Variants in NSMCE2 observed in about 807,000 individuals in gnomAD.
The protein encoded by NSMCE2 is NSE2 SUMO ligase component of SMC5/6 complex, also known as E3 SUMO-protein ligase NSE2.
NSMCE2 carries 24 observed loss-of-function variants against 23.8 expected under a neutral mutation model. That is an observed-to-expected ratio of 1.01 (90% CI 0.73 to 1.42). The LOEUF (loss-of-function observed/expected upper bound fraction) is 1.42. Among genes scored for constraint, NSMCE2 ranks in the 40% most tolerant of loss-of-function variants. NSMCE2 has a pLI of 0.00. For synonymous variants in NSMCE2, 92 were observed against 94.1 expected (o/e 0.98, Z 0.13); for missense variants, 284 against 296.5 (o/e 0.96, Z 0.31).
intron 7 of NSMCE2, among the ~76,000 whole-genome samples, chr8:125,359,949 A>G (rs887163331): frequency 4.6e-5 from 7 of 152,206 alleles, no homozygotes; most frequent in Non-Finnish European, 8.8e-5. Context: ...TGAGGCAAAA[A>G]AAAGTCAGTT....
At chr8:125,167,754 TC>T (rs1473254364) in intron 4 of NSMCE2, among the ~76,000 whole-genome samples, 1 of 151,728 alleles carries the variant, frequency 6.6e-6, no homozygotes, top group Non-Finnish European at 1.5e-5. Flanking sequence ...TTTTTTTTTT[TC>T]TTGTAAGATT....
chr8:125,335,690 G>A (rs1409359562), intron 5 of NSMCE2, among the ~76,000 whole-genome samples: 1 of 152,182 alleles, frequency 6.6e-6, no homozygotes, highest in African/African-American at 2.4e-5. Flanking sequence ...AATGACTAAG[G>A]TTCCTTATTT....
chr8:125,349,538 C>T (rs1364542717), intron 5 of NSMCE2, among the ~76,000 whole-genome samples: 2 of 150,374 alleles, frequency 1.3e-5, no homozygotes, highest in Non-Finnish European at 3.0e-5. Flanking sequence ...CCCTTGAGGC[C>T]AGGAGTTCAA....
intron 5 of NSMCE2, among the ~76,000 whole-genome samples, chr8:125,230,361 A>C (rs1330486384): frequency 2.0e-5 from 3 of 152,222 alleles, no homozygotes; most frequent in Non-Finnish European, 4.4e-5. Flanking sequence ...GTATGATTAA[A>C]GACACAAGGG....
intron 4 of NSMCE2, among the ~76,000 whole-genome samples, chr8:125,155,619 A>C (rs1172675514): frequency 2.6e-5 from 4 of 152,322 alleles, no homozygotes; most frequent in Admixed American, 6.5e-5. Context: ...AACAGGGGTT[A>C]TCTCTCTTAA....
intron 5 of NSMCE2, among the ~76,000 whole-genome samples, chr8:125,199,681 G>A (rs189386718): frequency 2.6e-5 from 4 of 152,284 alleles, no homozygotes; most frequent in Admixed American, 2.6e-4. Context: ...TTTTGTAGAT[G>A]TCTATTAGGT....
At chr8:125,132,499 GT>G (rs75538469) in intron 3 of NSMCE2, among the ~76,000 whole-genome samples, 30,326 of 147,152 alleles carry the variant, frequency 0.21, 3,779 homozygotes, top group African/African-American at 0.35. Context: ...AAAAATTTTG[GT>G]TTTTTTTTTT....
At position 125,352,445 on chromosome 8, in the gene NSMCE2, T is replaced by C. The variant is rs113813359; in HGVS notation, c.419-4774T>C. Among the ~76,000 whole-genome samples, 925 of 145,804 alleles carry C rather than the reference T, an allele frequency of 6.3e-3. 7 individuals carry two copies. Among genetic ancestry groups the C allele is most frequent in the African/African-American group, 0.023 (897 of 39,170 alleles). On this transcript the variant is annotated intron_variant, in intron 5 of 7. Transcript: ENST00000287437. ...GAGCCGAGATCACGCCATTGCACTCTAGCCTGGGCGACAAGAGTGAAAATC... is the reference window on the plus strand; with the variant it reads ...GAGCCGAGATCACGCCATTGCACTCCAGCCTGGGCGACAAGAGTGAAAATC...
In NSMCE2 at chr8:125,245,980, C is replaced by T. The variant is rs949796448; in HGVS notation, c.418+63724C>T. Among the ~76,000 whole-genome samples the T allele has an allele frequency of 1.6e-4, 25 of 151,654 alleles. No individual in the cohort carries two copies. The East Asian group carries it at 2.4e-3, about 14-fold the overall frequency. ...CAGAGGTTGCAGTGAGCCGAGATTGCGCCACTGCACTCCAGCCTGGGCAAC... is the reference window on the plus strand; with the variant it reads ...CAGAGGTTGCAGTGAGCCGAGATTGTGCCACTGCACTCCAGCCTGGGCAAC... On this transcript the variant is annotated intron_variant, in intron 5 of 7. Transcript: ENST00000287437.
At chr8:125,312,462 G>T (rs1366573632) in intron 5 of NSMCE2, among the ~76,000 whole-genome samples, 1 of 151,884 alleles carries the variant, frequency 6.6e-6, no homozygotes, top group African/African-American at 2.4e-5. Flanking sequence ...TGTCTCTACT[G>T]AAAATACAAA....
intron 3 of NSMCE2, among the ~76,000 whole-genome samples, chr8:125,115,964 T>C (rs1818987673): frequency 6.6e-6 from 1 of 152,322 alleles, no homozygotes; most frequent in South Asian, 2.1e-4. Context: ...ATTAGGCTCA[T>C]TGAATTGAAA....
intron 5 of NSMCE2, among the ~76,000 whole-genome samples, chr8:125,335,122 C>T (rs975543204): frequency 1.3e-5 from 2 of 152,014 alleles, no homozygotes; most frequent in African/African-American, 4.8e-5. Flanking sequence ...GTGTTTTGTA[C>T]CACAGAGTGA....
At chr8:125,351,839 C>A (rs1813048996) in intron 5 of NSMCE2, among the ~76,000 whole-genome samples, 1 of 151,938 alleles carries the variant, frequency 6.6e-6, no homozygotes, top group Non-Finnish European at 1.5e-5. Flanking sequence ...GGTGAAACCC[C>A]CATCTCTACT....
intron 5 of NSMCE2, among the ~76,000 whole-genome samples, chr8:125,189,347 A>C (rs1823245268): frequency 6.6e-6 from 1 of 152,176 alleles, no homozygotes; most frequent in East Asian, 1.9e-4. Context: ...TTAAACTGAT[A>C]CTCGATTTGC....
At chr8:125,293,111 T>C (rs953725512) in intron 5 of NSMCE2, among the ~76,000 whole-genome samples, 6 of 152,238 alleles carry the variant, frequency 3.9e-5, no homozygotes, top group African/African-American at 1.4e-4. Flanking sequence ...AATTTAATTA[T>C]ACAACAATAA....
chr8:125,345,029 TAA>T (rs564327400), intron 5 of NSMCE2, among the ~76,000 whole-genome samples: 1 of 133,258 alleles, frequency 7.5e-6, no homozygotes, highest in Non-Finnish European at 1.6e-5. Context: ...TCAACAAACT[TAA>T]AAAAAAAAAA....
chr8:125,122,469 A>G (rs778231086), intron 3 of NSMCE2, among the ~76,000 whole-genome samples: 2 of 152,150 alleles, frequency 1.3e-5, no homozygotes, highest in South Asian at 2.1e-4. Flanking sequence ...CTTATACTCT[A>G]TATACTCCAG....
At chr8:125,202,216 C>A (rs1823915714) in intron 5 of NSMCE2, among the ~76,000 whole-genome samples, 1 of 152,238 alleles carries the variant, frequency 6.6e-6, no homozygotes, top group African/African-American at 2.4e-5. Context: ...CCTCCATGGG[C>A]TGCACCAGCT....
In NSMCE2 at chr8:125,168,234, A is replaced by G. The variant is rs145689589; in HGVS notation, c.265-13869A>G. Among the ~76,000 whole-genome samples the G allele has an allele frequency of 9.8e-4, 150 of 152,322 alleles. 1 individual carries two copies. Among genetic ancestry groups the G allele is most frequent in the Admixed American group, 3.3e-3 (51 of 15,302 alleles). On this transcript the variant is annotated intron_variant, in intron 4 of 7. Coordinates refer to ENST00000287437, the MANE Select transcript of NSMCE2 (RefSeq NM_173685.4). Reference sequence around the variant, plus strand: ...ATGGCAGCGAAACACTGTTCTTTGTATAAATGCTGAGATGTGCTTAAATAG... The same window carrying G: ...ATGGCAGCGAAACACTGTTCTTTGTGTAAATGCTGAGATGTGCTTAAATAG...
Sources: allele counts gnomAD v4.1 joint callset (sites outside exome capture counted in the v4.1 genomes callset), GRCh38; gene constraint gnomAD v4.1.1; transcripts MANE v1.5; gene names NCBI Gene and HGNC (gene_info 2026-07-23, HGNC 2026-07-21).